Variants in RPS6KC1 observed in about 807,000 individuals in gnomAD.
The protein encoded by RPS6KC1 is ribosomal protein S6 kinase C1.
RPS6KC1 carries 54 observed loss-of-function variants against 103.8 expected under a neutral mutation model. The observed-to-expected ratio is 0.52, with a 90% CI of 0.42 to 0.65. The LOEUF (loss-of-function observed/expected upper bound fraction) is 0.65, where lower values mean the gene tolerates loss of function less well. Among genes scored for constraint, RPS6KC1 ranks in the 30% least tolerant of loss-of-function variants. RPS6KC1 has a pLI of 0.00. For synonymous variants in RPS6KC1, 439 were observed against 438.7 expected, an observed-to-expected ratio of 1.00 and a Z score of -0.01; for missense variants, 1,151 against 1,253.8, an observed-to-expected ratio of 0.92 and a Z score of 1.24.
chr1:213,701,365 G>C, the RPS6KC1 span, among the ~76,000 whole-genome samples: 1 of 151,966 alleles, frequency 6.6e-6, no homozygotes, highest in African/African-American at 2.4e-5. Context: ...TGATTGATTT[G>C]CATATGATGA....
the RPS6KC1 span, among the ~76,000 whole-genome samples, chr1:213,757,848 C>G: frequency 6.6e-6 from 1 of 152,106 alleles, no homozygotes; most frequent in East Asian, 1.9e-4. Context: ...AAATCAATGC[C>G]CATTGACCAT....
chr1:213,524,332 C>A, the RPS6KC1 span, among the ~76,000 whole-genome samples: 2,636 of 152,100 alleles, frequency 0.017, 76 homozygotes, highest in African/African-American at 0.055. Flanking sequence ...CCAGGCAGCT[C>A]AGTGGTGCTC....
chr1:213,363,822 T>TCTCTC, the RPS6KC1 span, among the ~76,000 whole-genome samples: 1,164 of 90,612 alleles, frequency 0.013, 137 homozygotes, highest in Non-Finnish European at 0.019. Context: ...TTCTTCTCTC[T>TCTCTC]TTTTTTTTTT....
At chr1:213,735,884 C>T in the RPS6KC1 span, among the ~76,000 whole-genome samples, 1 of 152,198 alleles carries the variant, frequency 6.6e-6, no homozygotes, top group Non-Finnish European at 1.5e-5. Context: ...CTCTTAGAAT[C>T]TTAGTCTGTG....
At chr1:213,519,752 C>T in the RPS6KC1 span, among the ~76,000 whole-genome samples, 8 of 152,210 alleles carry the variant, frequency 5.3e-5, no homozygotes, top group Non-Finnish European at 1.0e-4. Context: ...AGAGCAGCCA[C>T]ATGGTAACCA....
At chr1:213,343,389 GTGTATATATATATATATATATATA>G in the RPS6KC1 span, among the ~76,000 whole-genome samples, 54 of 65,832 alleles carry the variant, frequency 8.2e-4, 2 homozygotes, top group African/African-American at 2.8e-3. Flanking sequence ...TCAGTGTTGT[GTGTATATATATATATATATATATA>G]TATATATATA....
At chr1:213,381,583 G>A in the RPS6KC1 span, among the ~76,000 whole-genome samples, 1 of 151,986 alleles carries the variant, frequency 6.6e-6, no homozygotes, top group Non-Finnish European at 1.5e-5. Context: ...TATCAGCTGG[G>A]TCCTGCCTAC....
the RPS6KC1 span, among the ~76,000 whole-genome samples, chr1:213,728,948 G>GTTTTTTTTTTTTTTTTTTTT: frequency 5.5e-5 from 5 of 91,288 alleles, no homozygotes; most frequent in South Asian, 4.0e-4. Context: ...TTTTTTTTTT[G>GTTTTTTTTTTTTTTTTTTTT]TTTTTTTTTT....
At chr1:213,249,980 G>C (rs1373159301) in intron 12 of RPS6KC1, among the ~76,000 whole-genome samples, 1 of 152,162 alleles carries the variant, frequency 6.6e-6, no homozygotes, top group Non-Finnish European at 1.5e-5. Context: ...AAGAAATTCA[G>C]AGCTAGGTAG....
At chr1:213,227,300 A>G (rs765871295) in intron 8 of RPS6KC1, among the ~76,000 whole-genome samples, 1 of 152,162 alleles carries the variant, frequency 6.6e-6, no homozygotes, top group Non-Finnish European at 1.5e-5. Context: ...CTACCTTACA[A>G]ACTTTTAGAG....
chr1:213,117,169 T>A, intron 4 of RPS6KC1, 148 bp from the exon 5 acceptor site: 1 of 515,068 alleles, frequency 1.9e-6, no homozygotes, highest in South Asian at 3.1e-5. Flanking sequence ...CTATTGTTTT[T>A]TTTTGAAAAC....
intron 6 of RPS6KC1, among the ~76,000 whole-genome samples, chr1:213,165,404 G>A (rs1017745632): frequency 6.6e-6 from 1 of 151,558 alleles, no homozygotes; most frequent in Non-Finnish European, 1.5e-5. Flanking sequence ...CTAATTTTGT[G>A]TGTTTTTTTT....
chr1:213,101,670 A>G (rs897187874), intron 3 of RPS6KC1, among the ~76,000 whole-genome samples: 2 of 152,194 alleles, frequency 1.3e-5, no homozygotes, highest in Non-Finnish European at 2.9e-5. Flanking sequence ...ATTTAAAGAT[A>G]TTCTCAGGTA....
the RPS6KC1 span, among the ~76,000 whole-genome samples, chr1:213,758,599 A>T: frequency 4.6e-5 from 7 of 151,736 alleles, no homozygotes; most frequent in East Asian, 1.4e-3. Context: ...AAAAAATGTG[A>T]TTCATGATTC....
At chr1:213,215,075 A>G (rs899778644) in intron 8 of RPS6KC1, among the ~76,000 whole-genome samples, 5 of 152,136 alleles carry the variant, frequency 3.3e-5, no homozygotes, top group Non-Finnish European at 7.3e-5. Flanking sequence ...CTATCAAACT[A>G]CTCTGAGCTA....
chr1:213,433,496 T>G, the RPS6KC1 span, among the ~76,000 whole-genome samples: 1 of 152,226 alleles, frequency 6.6e-6, no homozygotes, highest in South Asian at 2.1e-4. Flanking sequence ...GGTTAATACC[T>G]AGGCATGAAA....
the RPS6KC1 span, among the ~76,000 whole-genome samples, chr1:213,775,781 AC>A: frequency 3.3e-5 from 5 of 152,194 alleles, no homozygotes; most frequent in Non-Finnish European, 7.3e-5. Flanking sequence ...AGTATGTGAC[AC>A]TGTTCCACAG....
intron 12 of RPS6KC1, among the ~76,000 whole-genome samples, chr1:213,258,117 G>C (rs2094695464): frequency 6.6e-6 from 1 of 152,098 alleles, no homozygotes; most frequent in Admixed American, 6.5e-5. Context: ...GAGTAGCTGG[G>C]ACTACAGATG....
chr1:213,102,914 G>T (rs758948770), intron 3 of RPS6KC1, among the ~76,000 whole-genome samples: 80 of 152,092 alleles, frequency 5.3e-4, no homozygotes, highest in Non-Finnish European at 1.6e-4. Context: ...AAGATTTCCT[G>T]TTATAGGCTG....
Sources: allele counts gnomAD v4.1 joint callset (sites outside exome capture counted in the v4.1 genomes callset), GRCh38; gene constraint gnomAD v4.1.1; transcripts MANE v1.5; gene names NCBI Gene and HGNC (gene_info 2026-07-23, HGNC 2026-07-21).